Variants in ARL14EP observed in about 807,000 individuals in gnomAD.
ARL14EP encodes ARL14 effector protein.
Under a neutral mutation model 23.1 loss-of-function variants are expected in ARL14EP, and 12 were observed. The observed-to-expected ratio is 0.52, with a 90% CI of 0.33 to 0.84. ARL14EP has a LOEUF of 0.84. ARL14EP is among the 40% of genes least tolerant of loss of function. The probability of loss-of-function intolerance (pLI) is 0.02; values close to 1 mark genes in which losing one functional copy is unlikely to be tolerated. For missense variants in ARL14EP, 253 were observed against 307.3 expected, an observed-to-expected ratio of 0.82 and a Z score of 1.32; for synonymous variants, 97 against 102.0, an observed-to-expected ratio of 0.95 and a Z score of 0.29.
In ARL14EP at chr11:30,337,478, A is replaced by G. The variant is rs1947342983; in HGVS notation, c.*683A>G. 6.6e-6 allele frequency: 1 copy of G among 152,394 alleles called. No individual in the cohort carries two copies. Among genetic ancestry groups the G allele is most frequent in the Admixed American group, 6.5e-5 (1 of 15,308 alleles). 9.4% of individuals were successfully genotyped at this position (152,394 alleles called of 1,614,324 possible). On this transcript the variant is annotated 3_prime_UTR_variant, in exon 4 of 4. Transcript: ENST00000282032. Reference sequence around the variant, plus strand: ...TGATAACACTGGAAGTGAAATTTTAATCAAACATAAATGAATTTGTAGAAG... The same window carrying G: ...TGATAACACTGGAAGTGAAATTTTAGTCAAACATAAATGAATTTGTAGAAG...
Position 30,336,870 on chromosome 11 carries a change from CTTGA to C in ARL14EP, c.*78_*81del. 7.5e-7 allele frequency: 1 copy of C among 1,333,202 alleles called. No individual in the cohort carries two copies. Among genetic ancestry groups the C allele is most frequent in the Non-Finnish European group, 1.1e-6 (1 of 940,152 alleles). 82.6% of individuals were successfully genotyped at this position (1,333,202 alleles called of 1,614,324 possible). A position where few individuals can be genotyped will look rare whatever the true frequency, so the allele number is the denominator to read the frequency against. The stretch of plus-strand genomic sequence containing the variant: ...CTGTTACTCTAAGATACATTTTAAG[CTTGA>C]TTATCATATGACAAAGATTTTAAAA... On this transcript the variant is annotated 3_prime_UTR_variant, in exon 4 of 4. Transcript: ENST00000282032.
intron 1 of ARL14EP, among the ~76,000 whole-genome samples, chr11:30,326,317 A>C (rs538372822): frequency 6.6e-6 from 1 of 152,180 alleles, no homozygotes; most frequent in East Asian, 1.9e-4. Flanking sequence ...CTGTATTTCT[A>C]CTGAGGTCTC....
intron 3 of ARL14EP, 120 bp from the exon 4 acceptor site, chr11:30,336,447 A>G (rs904014405): frequency 2.3e-6 from 2 of 867,686 alleles, no homozygotes; most frequent in African/African-American, 3.4e-5. Flanking sequence ...TAAATTATAG[A>G]TGATTTTGGC....
chr11:30,327,767 G>A lies in ARL14EP; in HGVS notation c.-63-3119G>A, dbSNP rs191026824. On this transcript the variant is annotated intron_variant, in intron 1 of 3. Transcript: ENST00000282032. ...AGGTCAGGAGATCGAGACCATCCTGGCTAACATGGTGAAACGCCATCTCTA... is the reference window on the plus strand; with the variant it reads ...AGGTCAGGAGATCGAGACCATCCTGACTAACATGGTGAAACGCCATCTCTA... Among the ~76,000 whole-genome samples, 717 of 143,818 alleles carry A rather than the reference G, an allele frequency of 5.0e-3. 2 individuals are homozygous for A. Among genetic ancestry groups the A allele is most frequent in the Non-Finnish European group, 7.5e-3 (504 of 66,948 alleles). The allele number at this position is 143,818 out of a possible 152,430, so 94.4% of individuals were successfully genotyped here.
intron 3 of ARL14EP, among the ~76,000 whole-genome samples, 167 bp downstream of exon 3, chr11:30,333,160 G>T (rs1879671): frequency 0.34 from 52,186 of 152,008 alleles, 9,539 homozygotes; most frequent in East Asian, 0.61. Context: ...TAAAATTAAG[G>T]TATCCCTTTC....
chr11:30,336,892 T>G lies in ARL14EP; in HGVS notation c.*97T>G. On this transcript the variant is annotated 3_prime_UTR_variant, in exon 4 of 4. Transcript: ENST00000282032. The stretch of plus-strand genomic sequence containing the variant: ...AAGCTTGATTATCATATGACAAAGA[T>G]TTTAAAACCATCTCAGTGTGCCCTA... The G allele has an allele frequency of 8.6e-7, 1 of 1,163,728 alleles. No individual in the cohort carries two copies. Among genetic ancestry groups the G allele is most frequent in the Non-Finnish European group, 1.3e-6 (1 of 797,646 alleles). The allele number at this position is 1,163,728 out of a possible 1,614,324, so 72.1% of individuals were successfully genotyped here. A position where few individuals can be genotyped will look rare whatever the true frequency, so the allele number is the denominator to read the frequency against.
At position 30,331,615 on chromosome 11, in the gene ARL14EP, A is replaced by T. The variant is rs1412638264; in HGVS notation, c.426+241A>T. Reference sequence around the variant, plus strand: ...AAATATGCCTAAGACTCCAAGCTACAACTTTTAGTGCGAAGACTTTAGGAG... The same window carrying T: ...AAATATGCCTAAGACTCCAAGCTACTACTTTTAGTGCGAAGACTTTAGGAG... On this transcript the variant is annotated intron_variant, in intron 2 of 3. Coordinates refer to ENST00000282032, the MANE Select transcript of ARL14EP (RefSeq NM_152316.3). 9 of 1,363,448 alleles carry T rather than the reference A, an allele frequency of 6.6e-6. No individual in the cohort carries two copies. In the East Asian group the frequency reaches 1.5e-4, roughly 22 times the overall value. 84.5% of individuals were successfully genotyped at this position (1,363,448 alleles called of 1,614,324 possible). A position where few individuals can be genotyped will look rare whatever the true frequency, so the allele number is the denominator to read the frequency against.
At chr11:30,331,397 T>TC (rs1947282464) in intron 2 of ARL14EP, 23 bp downstream of exon 2, 1 of 1,613,484 alleles carries the variant, frequency 6.2e-7, no homozygotes, top group Admixed American at 1.7e-5. Context: ...GTCATTTTTT[T>TC]CTACATTGTG....
At chr11:30,334,623 G>A (rs1044112905) in intron 3 of ARL14EP, among the ~76,000 whole-genome samples, 4 of 152,266 alleles carry the variant, frequency 2.6e-5, no homozygotes, top group African/African-American at 4.8e-5. Context: ...TGGTAGGGAC[G>A]AATGCAGCTG....
chr11:30,334,255 ACC>A lies in ARL14EP; in HGVS notation c.554+1264_554+1265del, dbSNP rs1947313609. On this transcript the variant is annotated intron_variant, in intron 3 of 3. Transcript: ENST00000282032. ...TTTTGAGATGGAGTCTTGCTCTGTC[ACC>A]CAGCCTGAGGTGCAGTGGCGCAAAC... 6.4e-5 allele frequency among the ~76,000 whole-genome samples: 7 copies of A among 109,582 alleles called. No homozygotes were observed. In the Admixed American group the frequency reaches 8.7e-4, roughly 14 times the overall value. 71.9% of individuals were successfully genotyped at this position (109,582 alleles called of 152,430 possible).
At chr11:30,333,310 T>C (rs12278547) in intron 3 of ARL14EP, among the ~76,000 whole-genome samples, 18,405 of 152,236 alleles carry the variant, frequency 0.12, 1,159 homozygotes, top group Non-Finnish European at 0.15. Flanking sequence ...TACCTCATTT[T>C]ATTGGTGCTT....
Position 30,336,879 on chromosome 11 carries a change from C to T in ARL14EP, c.*84C>T. The T allele has an allele frequency of 7.9e-7, 1 of 1,270,648 alleles. No homozygotes were observed. The highest frequency in any genetic ancestry group is 1.1e-6 in the Non-Finnish European group (1 of 889,004). The allele number at this position is 1,270,648 out of a possible 1,614,324, so 78.7% of individuals were successfully genotyped here. On this transcript the variant is annotated 3_prime_UTR_variant, in exon 4 of 4. Transcript: ENST00000282032. ...TAAGATACATTTTAAGCTTGATTAT[C>T]ATATGACAAAGATTTTAAAACCATC...
rs1947277317 is a variant in ARL14EP, at chr11:30,330,952, A to G, written c.4A>G (p.Met2Val). 3.1e-6 allele frequency: 5 copies of G among 1,613,528 alleles called. No individual in the cohort carries two copies. The highest frequency in any genetic ancestry group is 1.3e-5 in the African/African-American group (1 of 74,906). M[M>V]DPCSVGVQLR... ...GGAAAATTTGCTAGAATCAAGAATG[A>G]TGGATCCATGTTCAGTTGGAGTCCA... Residue 2 changes from methionine (M) to valine (V), a missense_variant, in exon 2 of 4, where the codon ATG (methionine) becomes GTG (valine). Met to Val is a conservative substitution (Grantham distance 21). Transcript: ENST00000282032.
chr11:30,329,945 T>A (rs1431838697), intron 1 of ARL14EP: 1 of 152,128 alleles, frequency 6.6e-6, no homozygotes, highest in Non-Finnish European at 1.5e-5. Flanking sequence ...TCTGCTTGCT[T>A]GTTTGAAAAA....
intron 2 of ARL14EP, 107 bp downstream of exon 2, chr11:30,331,481 A>T (rs1947283029): frequency 1.0e-5 from 16 of 1,542,336 alleles, no homozygotes; most frequent in Non-Finnish European, 1.4e-5. Context: ...GTTAGCATAC[A>T]GTGAATTAAA....
At chr11:30,331,953 TA>T (rs1297716762) in intron 2 of ARL14EP, among the ~76,000 whole-genome samples, 12 of 149,296 alleles carry the variant, frequency 8.0e-5, no homozygotes, top group Admixed American at 2.7e-4. Context: ...CTCCTTGAGG[TA>T]AAAAAAAAAT....
intron 1 of ARL14EP, among the ~76,000 whole-genome samples, chr11:30,323,678 G>A (rs1322337029): frequency 6.6e-6 from 1 of 152,196 alleles, no homozygotes; most frequent in Non-Finnish European, 1.5e-5. Context: ...GACGGATCTG[G>A]TGGTTTTAGT....
rs757889945 is a variant in ARL14EP, at chr11:30,332,938, A to G, written c.499A>G (p.Thr167Ala). The change falls in exon 3 of 4, where the codon ACT becomes GCT. Residue 167 changes from threonine (T) to alanine (A), a missense_variant. Thr to Ala is a moderately conservative substitution (Grantham distance 58, BLOSUM62 0). Transcript: ENST00000282032. The stretch of plus-strand genomic sequence containing the variant: ...AAGGCAAACTGAATTTGCTCCAGAA[A>G]CTGGTAAAAGAGAAAAAAGAAGGCT... ...PGRQTEFAPE[T>A]GKREKRRLTK... The G allele has an allele frequency of 1.2e-6, 2 of 1,613,738 alleles. No homozygotes were observed. The highest frequency in any genetic ancestry group is 1.1e-5 in the South Asian group (1 of 91,070).
intron 1 of ARL14EP, chr11:30,329,032 T>C (rs1471393157): frequency 2.0e-5 from 3 of 152,188 alleles, no homozygotes; most frequent in African/African-American, 4.8e-5. Context: ...GAAGCACTTA[T>C]GTACATGTCA....
Sources: gnomAD v4.1 joint callset for allele counts (sites outside exome capture counted in the v4.1 genomes callset) on GRCh38, gnomAD v4.1.1 for gene constraint, MANE v1.5 for transcripts, NCBI Gene and HGNC (gene_info 2026-07-23, HGNC 2026-07-21) for gene names.